KCNB2: variants seen among roughly 807,000 people sequenced by gnomAD.
The protein encoded by KCNB2 is delayed rectifier potassium channel protein.
Under a neutral mutation model 61.5 loss-of-function variants are expected in KCNB2, and 15 were observed. The ratio of observed to expected loss-of-function variants is 0.24; its 90% CI spans 0.16 to 0.38. The LOEUF (loss-of-function observed/expected upper bound fraction) is 0.38. Among genes scored for constraint, KCNB2 ranks in the 10% least tolerant of loss-of-function variants. The probability of loss-of-function intolerance (pLI) is 1.00; values close to 1 mark genes in which losing one functional copy is unlikely to be tolerated. For missense variants in KCNB2, 828 were observed against 1,125.2 expected (o/e 0.74, Z 3.78); for synonymous variants, 457 against 446.0 (o/e 1.02, Z -0.31).
intron 2 of KCNB2, among the ~76,000 whole-genome samples, chr8:72,752,986 T>A (rs887854212): frequency 1.3e-5 from 2 of 152,220 alleles, no homozygotes; most frequent in Non-Finnish European, 2.9e-5. Context: ...TCCATTTTTT[T>A]AGCTTCTGAG....
intron 2 of KCNB2, among the ~76,000 whole-genome samples, chr8:72,870,671 T>A (rs758181800): frequency 4.7e-4 from 72 of 152,330 alleles, no homozygotes; most frequent in Admixed American, 8.5e-4. Flanking sequence ...TTTTGAGGAT[T>A]TAAGTGAGGT....
At chr8:72,679,209 T>C (rs1806711812) in intron 2 of KCNB2, among the ~76,000 whole-genome samples, 1 of 152,244 alleles carries the variant, frequency 6.6e-6, no homozygotes. Flanking sequence ...TGGAAGTACG[T>C]TGTGAAACCT....
At chr8:72,820,251 C>A (rs1237298005) in intron 2 of KCNB2, among the ~76,000 whole-genome samples, 1 of 152,172 alleles carries the variant, frequency 6.6e-6, no homozygotes, top group Non-Finnish European at 1.5e-5. Context: ...AGACAGTAAG[C>A]CCACCAACAA....
At position 72,561,850 on chromosome 8, in the gene KCNB2, T is replaced by C. The variant is rs111558207; in HGVS notation, c.-93-5792T>C. On this transcript the variant is annotated intron_variant, in intron 1 of 2. Coordinates refer to ENST00000523207, the MANE Select transcript of KCNB2 (RefSeq NM_004770.3). The stretch of plus-strand genomic sequence containing the variant: ...CTATAATGTTATTGGTTTTTATTAG[T>C]AAATTTTGGAGGTGCTTTCAAAAAT... Among the ~76,000 whole-genome samples, 756 of 144,882 alleles carry C rather than the reference T, an allele frequency of 5.2e-3. 12 individuals carry two copies. The highest frequency in any genetic ancestry group is 0.018 in the African/African-American group (718 of 39,350).
chr8:72,704,571 G>A (rs1056771637), intron 2 of KCNB2, among the ~76,000 whole-genome samples: 8 of 151,666 alleles, frequency 5.3e-5, no homozygotes, highest in African/African-American at 1.9e-4. Flanking sequence ...CCTAGACAAA[G>A]GGCACAGATA....
intron 1 of KCNB2, among the ~76,000 whole-genome samples, chr8:72,556,550 CTATCTAATAATGAATAGAAATAA>C (rs1806428411): frequency 6.6e-6 from 1 of 152,076 alleles, no homozygotes; most frequent in Admixed American, 6.6e-5. Flanking sequence ...CTTCCCTTTT[CTATCTAATAATGAATAGAAATAA>C]TATCTAATAA....
intron 2 of KCNB2, among the ~76,000 whole-genome samples, chr8:72,641,797 C>T (rs1475599552): frequency 2.6e-5 from 4 of 152,142 alleles, no homozygotes; most frequent in South Asian, 4.2e-4. Flanking sequence ...ATAGGCTAGT[C>T]GTGAGGATCA....
intron 2 of KCNB2, among the ~76,000 whole-genome samples, chr8:72,871,717 C>T (rs981202199): frequency 6.6e-6 from 1 of 152,148 alleles, no homozygotes; most frequent in African/African-American, 2.4e-5. Flanking sequence ...TTCTCTGTGT[C>T]AGTAAAACTC....
At chr8:72,611,505 A>G (rs966700930) in intron 2 of KCNB2, among the ~76,000 whole-genome samples, 1 of 152,178 alleles carries the variant, frequency 6.6e-6, no homozygotes, top group South Asian at 2.1e-4. Flanking sequence ...TGATGTTTGT[A>G]TCTTGCAATA....
intron 2 of KCNB2, among the ~76,000 whole-genome samples, chr8:72,705,007 G>A (rs1044865117): frequency 2.6e-5 from 4 of 151,660 alleles, no homozygotes; most frequent in African/African-American, 7.3e-5. Context: ...TTTTTCATCT[G>A]TAGCTGGTTG....
intron 2 of KCNB2, among the ~76,000 whole-genome samples, chr8:72,625,694 G>C (rs113010430): frequency 6.6e-6 from 1 of 152,198 alleles, no homozygotes; most frequent in Non-Finnish European, 1.5e-5. Flanking sequence ...GCTTCTCAAA[G>C]TGCTGGGATT....
chr8:72,720,982 A>C (rs1311658330), intron 2 of KCNB2, among the ~76,000 whole-genome samples: 1 of 151,956 alleles, frequency 6.6e-6, no homozygotes, highest in Non-Finnish European at 1.5e-5. Context: ...ATACAATAAA[A>C]CTAGCTGATC....
chr8:72,837,473 A>G (rs1317362772), intron 2 of KCNB2, among the ~76,000 whole-genome samples: 1 of 152,232 alleles, frequency 6.6e-6, no homozygotes, highest in Non-Finnish European at 1.5e-5. Context: ...TCAGATAGAC[A>G]GGCACCATCC....
At chr8:72,829,520 T>G (rs1392148165) in intron 2 of KCNB2, among the ~76,000 whole-genome samples, 1 of 152,180 alleles carries the variant, frequency 6.6e-6, no homozygotes, top group African/African-American at 2.4e-5. Context: ...CCCAAAGAAT[T>G]TTTTAGAAAT....
chr8:72,726,163 T>C (rs559253567), intron 2 of KCNB2, among the ~76,000 whole-genome samples: 1 of 152,320 alleles, frequency 6.6e-6, no homozygotes, highest in East Asian at 1.9e-4. Flanking sequence ...GCCCCCATGA[T>C]GGGGTTAGTC....
At chr8:72,896,559 A>G (rs1805992441) in intron 2 of KCNB2, among the ~76,000 whole-genome samples, 1 of 152,178 alleles carries the variant, frequency 6.6e-6, no homozygotes, top group South Asian at 2.1e-4. Context: ...TTGTGCAGAT[A>G]TGTGTCTGTG....
intron 2 of KCNB2, among the ~76,000 whole-genome samples, chr8:72,696,696 G>A (rs533165371): frequency 2.2e-4 from 33 of 152,268 alleles, no homozygotes; most frequent in African/African-American, 7.7e-4. Context: ...GGATTCTGCT[G>A]TATTATCTAA....
chr8:72,675,519 A>ATT (rs536932692), intron 2 of KCNB2, among the ~76,000 whole-genome samples: 39,750 of 145,602 alleles, frequency 0.27, 9,601 homozygotes, highest in African/African-American at 0.65. Context: ...CTGCAGTCGG[A>ATT]TTTTTTTTTT....
At chr8:72,706,850 T>C (rs900400958) in intron 2 of KCNB2, among the ~76,000 whole-genome samples, 9 of 152,246 alleles carry the variant, frequency 5.9e-5, no homozygotes, top group African/African-American at 2.2e-4. Flanking sequence ...TAACCTGCTT[T>C]AACCTACCCA....
Sources: gnomAD v4.1 joint callset for allele counts (sites outside exome capture counted in the v4.1 genomes callset) on GRCh38, gnomAD v4.1.1 for gene constraint, MANE v1.5 for transcripts, NCBI Gene and HGNC (gene_info 2026-07-23, HGNC 2026-07-21) for gene names.